The following ALDOA variants were observed in gnomAD, a reference collection of about 807,000 sequenced individuals.
ALDOA encodes aldolase, fructose-bisphosphate A.
ALDOA carries 26 observed loss-of-function variants against 43.9 expected under a neutral mutation model. The observed-to-expected ratio is 0.59, with a 90% CI of 0.43 to 0.82. The LOEUF (loss-of-function observed/expected upper bound fraction) is 0.82, where lower values mean the gene tolerates loss of function less well. Ranked by LOEUF, ALDOA falls within the 40% of genes least tolerant of loss-of-function variation. ALDOA has a pLI of 0.00. For missense variants in ALDOA, 498 were observed against 549.5 expected, an observed-to-expected ratio of 0.91 and a Z score of 0.94; for synonymous variants, 258 against 222.6, an observed-to-expected ratio of 1.16 and a Z score of -1.42.
chr16:30,069,206 T>TG, intron 6 of ALDOA, 100 bp from the exon 7 acceptor site: 1 of 1,434,504 alleles, frequency 7.0e-7, no homozygotes, highest in Non-Finnish European at 9.8e-7. Flanking sequence ...CCTGAGTCCC[T>TG]GGCATCATCA....
chr16:30,066,506 C>A (rs572244552), intron 1 of ALDOA, among the ~76,000 whole-genome samples: 1 of 152,362 alleles, frequency 6.6e-6, no homozygotes, highest in South Asian at 2.1e-4. Context: ...GTGACGATGG[C>A]AAAGCTTACC....
rs1251251736 is a variant in ALDOA, at chr16:30,069,371, C to T, written c.768C>T (p.Cys256=). The T allele has an allele frequency of 6.2e-7, 1 of 1,614,146 alleles. No individual in the cohort carries two copies. The highest frequency in any genetic ancestry group is 8.5e-7 in the Non-Finnish European group (1 of 1,180,018). The change falls in exon 7 of 10, where the codon TGC becomes TGT. Residue 256 remains cysteine, a synonymous_variant. Coordinates refer to ENST00000642816, the MANE Select transcript of ALDOA (RefSeq NM_001243177.4). ...LPDGDHDLKR[C]QYVTEKVLAA... is the part of the protein sequence containing the mutation. Reference sequence around the variant, plus strand: ...ATGGGGACCATGACTTGAAGCGCTGCCAGTATGTGACCGAGAAGGTAAATG... The same window carrying T: ...ATGGGGACCATGACTTGAAGCGCTGTCAGTATGTGACCGAGAAGGTAAATG...
At chr16:30,067,912 C>T in intron 4 of ALDOA, 1 of 556,618 alleles carries the variant, frequency 1.8e-6, no homozygotes, top group Non-Finnish European at 3.2e-6. Context: ...GTGGCAGAGC[C>T]CCAGTCTGAC....
At position 30,069,590 on chromosome 16, in the gene ALDOA, C is replaced by G. The variant is rs746388986; in HGVS notation, c.878C>G (p.Ala293Gly). 1 of 1,614,008 alleles carries G rather than the reference C, an allele frequency of 6.2e-7. No individual in the cohort carries two copies. Among genetic ancestry groups the G allele is most frequent in the Non-Finnish European group, 8.5e-7 (1 of 1,180,040 alleles). Residue 293 changes from alanine to glycine, a missense_variant, in exon 8 of 10, where the codon GCT (alanine) becomes GGT (glycine). Physicochemically the swap from Ala to Gly is moderately conservative, Grantham distance 60 (BLOSUM62 0). Coordinates refer to ENST00000642816, the MANE Select transcript of ALDOA (RefSeq NM_001243177.4). Reference protein sequence around the residue: ...LKPNMVTPGHACTQKFSHEEI... With the variant: ...LKPNMVTPGHGCTQKFSHEEI... ...CCCAACATGGTCACCCCAGGCCATG[C>G]TTGCACTCAGAAGTTTTCTCATGAG...
Position 30,068,666 on chromosome 16 carries a change from C to T in ALDOA, c.507C>T (p.Pro169=). ...VGIKVDKGVV[P]LAGTNGETTT... ...AACAGGTAGACAAGGGCGTGGTCCC[C>T]CTGGCAGGGACAAATGGCGAGACTA... Residue 169 remains proline (P), a synonymous_variant, in exon 5 of 10, where the codon CCC becomes CCT. Coordinates refer to ENST00000642816, the MANE Select transcript of ALDOA (RefSeq NM_001243177.4). 6.2e-7 allele frequency: 1 copy of T among 1,614,190 alleles called. No homozygotes were observed. The highest frequency in any genetic ancestry group is 8.5e-7 in the Non-Finnish European group (1 of 1,180,046).
chr16:30,069,722 C>G (rs752128129), intron 8 of ALDOA, 49 bp downstream of exon 8: 2 of 1,611,792 alleles, frequency 1.2e-6, no homozygotes, highest in East Asian at 4.5e-5. Context: ...AAGCTCCACC[C>G]ACAACCCTAT....
Position 30,070,156 on chromosome 16 carries a change from G to A in ALDOA, c.1201G>A (p.Gly401Ser), listed in dbSNP as rs138824667. 4,804 of 1,614,116 alleles carry A rather than the reference G, an allele frequency of 3.0e-3. 13 individuals are homozygous for A. Among genetic ancestry groups the A allele is most frequent in the Non-Finnish European group, 3.4e-3 (3,982 of 1,180,032 alleles). Residue 401 changes from glycine (G) to serine (S), a missense_variant, in exon 10 of 10, where the codon GGT becomes AGT. By Grantham distance (56) the Gly-to-Ser change is moderately conservative. Transcript: ENST00000642816. Reference sequence around the variant, plus strand: ...CTGTCAAGGAAAGTACACTCCGAGCGGTCAGGCTGGGGCTGCTGCCAGCGA... The same window carrying A: ...CTGTCAAGGAAAGTACACTCCGAGCAGTCAGGCTGGGGCTGCTGCCAGCGA... ...LACQGKYTPS[G>S]QAGAAASESL...
At position 30,067,539 on chromosome 16, in the gene ALDOA, G is replaced by T. The variant is rs201468609; in HGVS notation, c.364G>T (p.Asp122Tyr). ...FYRQLLLTADDRVNPCIGGVI... is the reference protein window; with the variant it reads ...FYRQLLLTADYRVNPCIGGVI... ...CCGCCAGCTGCTGCTGACAGCTGACGACCGCGTGAACCCCTGCATTGGGGG... is the reference window on the plus strand; with the variant it reads ...CCGCCAGCTGCTGCTGACAGCTGACTACCGCGTGAACCCCTGCATTGGGGG... The change falls in exon 4 of 10, where the codon GAC becomes TAC. Residue 122 changes from aspartate to tyrosine, a missense_variant. Transcript: ENST00000642816. 1 of 1,613,826 alleles carries T rather than the reference G, an allele frequency of 6.2e-7. No individual in the cohort carries two copies. Among genetic ancestry groups the T allele is most frequent in the Non-Finnish European group, 8.5e-7 (1 of 1,180,020 alleles).
chr16:30,066,827 C>T (rs2072123574), intron 1 of ALDOA, 58 bp from the exon 2 acceptor site: 3 of 1,512,370 alleles, frequency 2.0e-6, no homozygotes, highest in Non-Finnish European at 2.7e-6. Context: ...GTGTTGGGCC[C>T]TCTGCTTGAT....
intron 8 of ALDOA, 27 bp from the exon 9 acceptor site, chr16:30,069,803 C>G: frequency 6.2e-7 from 1 of 1,613,822 alleles, no homozygotes; most frequent in Non-Finnish European, 8.5e-7. Context: ...TGACCACAGC[C>G]CCTCTCGCCT....
Position 30,069,810 on chromosome 16 carries a change from G to A in ALDOA, c.962-20G>A, listed in dbSNP as rs189723657. ...TGGGTCTCTGACCACAGCCCCTCTC[G>A]CCTCACCCCTGCTCTACAGGGATCA... is the stretch of plus-strand genomic sequence containing the variant. On this transcript the variant is annotated intron_variant, in intron 8 of 9. Coordinates refer to ENST00000642816, the MANE Select transcript of ALDOA (RefSeq NM_001243177.4). 409 of 1,613,918 alleles carry A rather than the reference G, an allele frequency of 2.5e-4. No individual in the cohort carries two copies. Among genetic ancestry groups the A allele is most frequent in the Middle Eastern group, 1.3e-3 (8 of 6,062 alleles).
chr16:30,069,650 GCA>G lies in ALDOA; in HGVS notation c.941_942del (p.Thr314SerfsTer17). 6.2e-7 allele frequency: 1 copy of G among 1,613,544 alleles called. No individual in the cohort carries two copies. The highest frequency in any genetic ancestry group is 1.1e-5 in the South Asian group (1 of 91,076). On this transcript the variant is annotated frameshift_variant, in exon 8 of 10. Coordinates refer to ENST00000642816, the MANE Select transcript of ALDOA (RefSeq NM_001243177.4). LOFTEE classifies it high-confidence loss of function. Reference sequence around the variant, plus strand: ...ATGGCGACCGTCACAGCGCTGCGCCGCACAGTGCCCCCCGCTGTCACTGGTGA... The same window carrying G: ...ATGGCGACCGTCACAGCGCTGCGCCGCAGTGCCCCCCGCTGTCACTGGTGA...
At position 30,067,283 on chromosome 16, in the gene ALDOA, C is replaced by A; in HGVS notation, c.191C>A (p.Pro64Gln). The change falls in exon 3 of 10, where the codon CCG (proline) becomes CAG (glutamine). Residue 64 changes from proline to glutamine, a missense_variant. By Grantham distance (76) the Pro-to-Gln change is moderately conservative. Coordinates refer to ENST00000642816, the MANE Select transcript of ALDOA (RefSeq NM_001243177.4). ...TMPYQYPALTPEQKKELSDIA... is the reference protein window; with the variant it reads ...TMPYQYPALTQEQKKELSDIA... Reference sequence around the variant, plus strand: ...CCCTACCAATATCCAGCACTGACCCCGGAGCAGAAGAAGGAGCTGTCTGAC... The same window carrying A: ...CCCTACCAATATCCAGCACTGACCCAGGAGCAGAAGAAGGAGCTGTCTGAC... 6.2e-7 allele frequency: 1 copy of A among 1,612,610 alleles called. No individual in the cohort carries two copies. Among genetic ancestry groups the A allele is most frequent in the Non-Finnish European group, 8.5e-7 (1 of 1,180,022 alleles).
In ALDOA at chr16:30,069,479, G is replaced by A. The variant is rs75559164; in HGVS notation, c.787-20G>A. ...CCTCTCCTCCACCCCACTACCCACC[G>A]TGCGCCTGCTCTGCTCCAGGTGCTG... is the stretch of plus-strand genomic sequence containing the variant. On this transcript the variant is annotated intron_variant, in intron 7 of 9. Coordinates refer to ENST00000642816, the MANE Select transcript of ALDOA (RefSeq NM_001243177.4). 2.6e-4 allele frequency: 415 copies of A among 1,613,990 alleles called. 2 individuals are homozygous for A. In the Middle Eastern group the frequency reaches 2.6e-3, roughly 10 times the overall value.
In ALDOA at chr16:30,068,896, A is replaced by C. The variant is rs754370062; in HGVS notation, c.620A>C (p.Lys207Thr). Residue 207 changes from lysine (K) to threonine (T), a missense_variant, in exon 6 of 10, where the codon AAG (lysine) becomes ACG (threonine). Transcript: ENST00000642816. ...ADFAKWRCVL[K>T]IGEHTPSALA... ...TTCGCCAAGTGGCGTTGTGTGCTGA[A>C]GATTGGGGAACACACCCCCTCAGCC... The C allele has an allele frequency of 4.3e-6, 7 of 1,614,230 alleles. No individual in the cohort carries two copies. In the East Asian group the frequency reaches 1.6e-4, roughly 36 times the overall value.
At chr16:30,069,788 G>C in intron 8 of ALDOA, 42 bp from the exon 9 acceptor site, 1 of 1,613,460 alleles carries the variant, frequency 6.2e-7, no homozygotes, top group Non-Finnish European at 8.5e-7. Flanking sequence ...AGCTTCCTGG[G>C]TCTCTGACCA....
At position 30,065,938 on chromosome 16, in the gene ALDOA, C is replaced by T. The variant is rs1567321252; in HGVS notation, c.-14+11C>T. The stretch of plus-strand genomic sequence containing the variant: ...CCTCTCCTGTGCCAGGTGAGCGCCC[C>T]TCTTCACGTGCGGGGACCAGGGACC... On this transcript the variant is annotated intron_variant, in intron 1 of 9. Coordinates refer to ENST00000642816, the MANE Select transcript of ALDOA (RefSeq NM_001243177.4). The T allele has an allele frequency of 6.5e-6, 1 of 153,038 alleles. No homozygotes were observed. Among genetic ancestry groups the T allele is most frequent in the Non-Finnish European group, 1.5e-5 (1 of 68,306 alleles). The allele number at this position is 153,038 out of a possible 1,614,324, so 9.5% of individuals were successfully genotyped here.
Position 30,067,323 on chromosome 16 carries a change from C to T in ALDOA, c.231C>T (p.Ile77=), listed in dbSNP as rs900150960. 3 of 1,613,490 alleles carry T rather than the reference C, an allele frequency of 1.9e-6. No individual in the cohort carries two copies. The highest frequency in any genetic ancestry group is 1.3e-5 in the African/African-American group (1 of 74,914). ...AGCTGTCTGACATCGCTCACCGCAT[C>T]GTGGCACCTGGCAAGGGCATCCTGG... The part of the protein sequence containing the change: ...KKELSDIAHR[I]VAPGKGILAA... Residue 77 remains isoleucine (I), a synonymous_variant, in exon 3 of 10, where the codon ATC becomes ATT. Transcript: ENST00000642816.
chr16:30,068,508 C>T (rs1227771981), intron 4 of ALDOA, 138 bp from the exon 5 acceptor site: 34 of 954,566 alleles, frequency 3.6e-5, no homozygotes, highest in African/African-American at 4.9e-5. Context: ...GAGGCTGAGG[C>T]GGGAGGATCA....
Sources: gnomAD v4.1 joint callset for allele counts (sites outside exome capture counted in the v4.1 genomes callset) on GRCh38, gnomAD v4.1.1 for gene constraint, MANE v1.5 for transcripts, NCBI Gene and HGNC (gene_info 2026-07-23, HGNC 2026-07-21) for gene names.